The following JADE2 variants were observed in gnomAD, a reference collection of about 807,000 sequenced individuals.
JADE2 encodes the protein jade family PHD finger 2.
A neutral mutation model predicts 85.7 loss-of-function variants in JADE2; 13 were observed. The ratio of observed to expected loss-of-function variants is 0.15; its 90% CI spans 0.10 to 0.24. The LOEUF (loss-of-function observed/expected upper bound fraction) is 0.24. JADE2 is among the 10% of genes least tolerant of loss of function. The pLI is 1.00. For synonymous variants in JADE2, 440 were observed against 456.1 expected, an observed-to-expected ratio of 0.96 and a Z score of 0.45; for missense variants, 846 against 1,115.9, an observed-to-expected ratio of 0.76 and a Z score of 3.45.
chr5:134,552,216 C>T lies in JADE2; in HGVS notation c.311+7C>T. On this transcript the variant is annotated splice_region_variant and intron_variant, in intron 4 of 11. Coordinates refer to ENST00000681547, the MANE Select transcript of JADE2 (RefSeq NM_001388185.1). ...TCCCAGAGCCCGTGGTGAGGTGAGC[C>T]AGGCAGCCCAGGCTAGGGGGCCATT... 1 of 1,611,908 alleles carries T rather than the reference C, an allele frequency of 6.2e-7. No homozygotes were observed. The highest frequency in any genetic ancestry group is 1.1e-5 in the South Asian group (1 of 90,938).
Position 134,531,883 on chromosome 5 carries a change from CTTTTTTTTTTTT to C in JADE2, c.1-3956_1-3945del, listed in dbSNP as rs1160758941. On this transcript the variant is annotated intron_variant, in intron 1 of 11. Coordinates refer to ENST00000681547, the MANE Select transcript of JADE2 (RefSeq NM_001388185.1). ...TATAAGGATGAGCCACCGTGCCTGG[CTTTTTTTTTTTT>C]TTTTTTTTTTTTTTTTTTGAGACAG... 1.0e-2 allele frequency among the ~76,000 whole-genome samples: 383 copies of C among 38,484 alleles called. 3 individuals carry two copies. Among genetic ancestry groups the C allele is most frequent in the Non-Finnish European group, 0.012 (270 of 21,816 alleles). The allele number at this position is 38,484 out of a possible 152,430, so 25.2% of individuals were successfully genotyped here.
At chr5:134,548,514 T>G (rs917669329) in intron 3 of JADE2, among the ~76,000 whole-genome samples, 5 of 152,174 alleles carry the variant, frequency 3.3e-5, no homozygotes, top group African/African-American at 1.2e-4. Flanking sequence ...CTGACACCAT[T>G]AAGACAGTGC....
chr5:134,565,433 G>T (rs1027525174), intron 8 of JADE2, among the ~76,000 whole-genome samples: 10 of 152,176 alleles, frequency 6.6e-5, no homozygotes, highest in Non-Finnish European at 1.2e-4. Flanking sequence ...ACTAAGTCCA[G>T]CCCCTCTTCC....
chr5:134,561,008 C>A, intron 6 of JADE2, 51 bp downstream of exon 6: 1 of 1,521,858 alleles, frequency 6.6e-7, no homozygotes. Context: ...ACACACGCTG[C>A]CTGGCAGCGA....
chr5:134,526,618 A>G, intron 1 of JADE2: 3 of 985,074 alleles, frequency 3.0e-6, no homozygotes, highest in Non-Finnish European at 3.6e-6. Context: ...TCCGGGGGCC[A>G]CCGCCTCCGC....
intron 9 of JADE2, among the ~76,000 whole-genome samples, chr5:134,572,911 T>C (rs1764128065): frequency 1.3e-5 from 2 of 152,226 alleles, no homozygotes; most frequent in Non-Finnish European, 2.9e-5. Context: ...CAGAGAGGCC[T>C]CTACCCTCTC....
intron 1 of JADE2, among the ~76,000 whole-genome samples, chr5:134,531,771 CGG>C (rs1761252000): frequency 6.6e-6 from 1 of 150,698 alleles, no homozygotes; most frequent in Admixed American, 6.6e-5. Flanking sequence ...TTAGTAGAGA[CGG>C]GGTTTCACCA....
At chr5:134,532,930 T>C (rs1465861887) in intron 1 of JADE2, among the ~76,000 whole-genome samples, 2 of 152,222 alleles carry the variant, frequency 1.3e-5, no homozygotes, top group Admixed American at 6.5e-5. Context: ...TTCTCAAGCC[T>C]AGTTGTTATA....
chr5:134,542,370 T>C (rs1256345138), intron 3 of JADE2, among the ~76,000 whole-genome samples: 1 of 152,126 alleles, frequency 6.6e-6, no homozygotes, highest in Non-Finnish European at 1.5e-5. Context: ...ATTATTGTTT[T>C]AATACCACCC....
In JADE2 at chr5:134,578,519, C is replaced by T. The variant is rs765952044; in HGVS notation, c.1707C>T (p.Ile569=). 7 of 1,594,016 alleles carry T rather than the reference C, an allele frequency of 4.4e-6. No individual in the cohort carries two copies. The highest frequency in any genetic ancestry group is 1.1e-5 in the South Asian group (1 of 88,812). Residue 569 remains isoleucine, a synonymous_variant, in exon 12 of 12, where the codon ATC becomes ATT. Transcript: ENST00000681547. This position sits in a 1 kb window ranked among gnomAD's most constrained non-coding sequence, Gnocchi z 4.4. ...QLAGLSTSFP[I]DGTFFNSWLA... ...CAGGCCTGTCCACCTCATTCCCCAT[C>T]GATGGCACCTTCTTCAACAGCTGGC... is the stretch of plus-strand genomic sequence containing the variant.
Position 134,538,103 on chromosome 5 carries a change from C to A in JADE2, c.153+20C>A, listed in dbSNP as rs748921983. 49 of 1,585,598 alleles carry A rather than the reference C, an allele frequency of 3.1e-5. No individual in the cohort carries two copies. Among genetic ancestry groups the A allele is most frequent in the Non-Finnish European group, 4.2e-5 (48 of 1,154,238 alleles). ...TCCGAGGTGGGTAGTGATGAGCTTCCCAGAGATCTGTGGGGAGTGAGAGTG... is the reference window on the plus strand; with the variant it reads ...TCCGAGGTGGGTAGTGATGAGCTTCACAGAGATCTGTGGGGAGTGAGAGTG... On this transcript the variant is annotated intron_variant, in intron 3 of 11. Transcript: ENST00000681547.
At chr5:134,527,084 C>T (rs924539654) in intron 1 of JADE2, among the ~76,000 whole-genome samples, 1 of 152,184 alleles carries the variant, frequency 6.6e-6, no homozygotes. Flanking sequence ...ACGCACACAC[C>T]TGACTCTCAA....
At chr5:134,540,693 T>C (rs1761915391) in intron 3 of JADE2, among the ~76,000 whole-genome samples, 1 of 152,188 alleles carries the variant, frequency 6.6e-6, no homozygotes, top group Admixed American at 6.5e-5. Context: ...ACCTATCTCC[T>C]GTTTGTTGTA....
chr5:134,533,072 G>A (rs1370896911), intron 1 of JADE2, among the ~76,000 whole-genome samples: 8 of 152,172 alleles, frequency 5.3e-5, no homozygotes, highest in South Asian at 2.1e-4. Flanking sequence ...GGCTTGGTGC[G>A]GGGTGTAGGT....
chr5:134,545,601 C>T (rs2149910512), intron 3 of JADE2, among the ~76,000 whole-genome samples: 1 of 152,242 alleles, frequency 6.6e-6, no homozygotes, highest in Non-Finnish European at 1.5e-5. Context: ...GAAGAGCCCT[C>T]TGTGTCTTGC....
intron 3 of JADE2, among the ~76,000 whole-genome samples, chr5:134,547,781 C>T (rs1762379461): frequency 6.6e-6 from 1 of 152,244 alleles, no homozygotes; most frequent in African/African-American, 2.4e-5. Flanking sequence ...TTCAAGATTT[C>T]TCAGCACCTA....
rs541058647 is a variant in JADE2 at position 134,526,820 on chromosome 5, C to T, written c.-1+809C>T. The T allele has an allele frequency of 3.6e-4, 332 of 931,412 alleles. 2 individuals carry two copies. The African/African-American group carries it at 5.6e-3, about 16-fold the overall frequency. 57.7% of individuals were successfully genotyped at this position (931,412 alleles called of 1,614,324 possible). ...TGAGGACTGGGGTCGGGGGCAGCCT[C>T]CACCTCCGGGGCCGCGCGGTAGTCC... On this transcript the variant is annotated intron_variant, in intron 1 of 11. Coordinates refer to ENST00000681547, the MANE Select transcript of JADE2 (RefSeq NM_001388185.1).
upstream of JADE2, among the ~76,000 whole-genome samples, chr5:134,524,722 C>A (rs865804025): frequency 2.1e-4 from 32 of 152,228 alleles, no homozygotes; most frequent in African/African-American, 7.2e-4. Context: ...GAGGGGGCGA[C>A]GAGCCCAATG....
At position 134,566,314 on chromosome 5, in the gene JADE2, G is replaced by A. The variant is rs957779421; in HGVS notation, c.1168G>A (p.Val390Met). The change falls in exon 9 of 12, where the codon GTG becomes ATG. Residue 390 changes from valine (V) to methionine (M), a missense_variant. Val to Met is a conservative substitution (Grantham distance 21). This residue lies in a region of JADE2 where 88 missense variants were observed against 140.6 expected (regional missense o/e 0.63). Coordinates refer to ENST00000681547, the MANE Select transcript of JADE2 (RefSeq NM_001388185.1). The surrounding 1 kb of genome is among the most constrained non-coding windows in gnomAD (Gnocchi z 6.7). ...CCAGGCTGGCGAGGACCTGGAAAAG[G>A]TGACCCTGCGCAAGCAGCGGCTGCA... ...PSQAGEDLEK[V>M]TLRKQRLQQL... The A allele has an allele frequency of 6.2e-7, 1 of 1,614,106 alleles. No individual in the cohort carries two copies. Among genetic ancestry groups the A allele is most frequent in the Non-Finnish European group, 8.5e-7 (1 of 1,180,032 alleles).
Sources: gnomAD v4.1 joint callset for allele counts (sites outside exome capture counted in the v4.1 genomes callset) on GRCh38, gnomAD v4.1.1 for gene constraint, gnomAD v4.1.1 regional missense constraint, Gnocchi (gnomAD v3.1) non-coding constraint, MANE v1.5 for transcripts, NCBI Gene and HGNC (gene_info 2026-07-23, HGNC 2026-07-21) for gene names.